DLC1: variants seen among roughly 807,000 people sequenced by gnomAD.
The protein encoded by DLC1 is rho GTPase-activating protein 7.
In DLC1, 54 loss-of-function variants were observed where a neutral mutation model predicts 140.3. That is an observed-to-expected ratio of 0.38 (90% CI 0.31 to 0.48). DLC1 has a LOEUF of 0.48. Ranked by LOEUF, DLC1 falls within the 20% of genes least tolerant of loss-of-function variation. DLC1 has a pLI of 0.96. For synonymous variants in DLC1, 986 were observed against 728.1 expected (o/e 1.35, Z -5.70); for missense variants, 2,536 against 1,907.0 (o/e 1.33, Z -6.14).
intron 4 of DLC1, among the ~76,000 whole-genome samples, chr8:13,378,251 A>T (rs1045509292): frequency 6.6e-6 from 1 of 150,562 alleles, no homozygotes; most frequent in Non-Finnish European, 1.5e-5. Flanking sequence ...CCAGAAAAAA[A>T]TCTTAGTAAT....
chr8:13,212,241 G>C (rs931813155), intron 5 of DLC1, among the ~76,000 whole-genome samples: 3 of 152,056 alleles, frequency 2.0e-5, no homozygotes, highest in African/African-American at 7.2e-5. Context: ...AGCCACGATG[G>C]CCTTCTCAGC....
chr8:13,438,739 C>T (rs1414391431), intron 2 of DLC1, among the ~76,000 whole-genome samples: 1 of 152,132 alleles, frequency 6.6e-6, no homozygotes, highest in East Asian at 1.9e-4. Context: ...TCTCTCTTTG[C>T]TCAAATGTCA....
intron 4 of DLC1, among the ~76,000 whole-genome samples, chr8:13,391,279 A>G (rs891434628): frequency 6.6e-6 from 1 of 152,184 alleles, no homozygotes; most frequent in African/African-American, 2.4e-5. Flanking sequence ...CTGCATGACA[A>G]TTCTCATGGC....
At chr8:13,188,572 T>C (rs968196157) in intron 5 of DLC1, among the ~76,000 whole-genome samples, 3 of 148,356 alleles carry the variant, frequency 2.0e-5, no homozygotes, top group South Asian at 4.2e-4. Context: ...TTATTTTTCA[T>C]ATATTCTATA....
chr8:13,107,670 G>C (rs999955123), intron 7 of DLC1, among the ~76,000 whole-genome samples: 2 of 152,206 alleles, frequency 1.3e-5, no homozygotes, highest in Non-Finnish European at 1.5e-5. Flanking sequence ...GGCAGGTCTA[G>C]CAAATGAAGT....
intron 1 of DLC1, among the ~76,000 whole-genome samples, chr8:13,553,923 A>C (rs1803953699): frequency 6.6e-6 from 1 of 151,606 alleles, no homozygotes; most frequent in Non-Finnish European, 1.5e-5. Flanking sequence ...CTCCCTTGCT[A>C]CTCTTTGTCT....
In DLC1 at chr8:13,100,210, C is replaced by G; in HGVS notation, c.2127G>C (p.Lys709Asn). Residue 709 changes from lysine to asparagine, a missense_variant, in exon 9 of 18, where the codon AAG (lysine) becomes AAC (asparagine). Physicochemically the swap from Lys to Asn is moderately conservative, Grantham distance 94 (BLOSUM62 0). Coordinates refer to ENST00000276297, the MANE Select transcript of DLC1 (RefSeq NM_182643.3). ...CGGAGATCTCCACGCAGTTGAGCTG[C>G]TTCAGCTTCTCCTCATCCATCCCCT... ...LQEGMDEEKL[K>N]QLNCVEISAL... The G allele has an allele frequency of 6.2e-7, 1 of 1,614,188 alleles. No individual in the cohort carries two copies. The highest frequency in any genetic ancestry group is 8.5e-7 in the Non-Finnish European group (1 of 1,180,038).
intron 1 of DLC1, among the ~76,000 whole-genome samples, chr8:13,556,245 C>T (rs1804041326): frequency 6.6e-6 from 1 of 152,066 alleles, no homozygotes; most frequent in African/African-American, 2.4e-5. Flanking sequence ...TATGATTTTG[C>T]CCTCCTAAAA....
intron 5 of DLC1, among the ~76,000 whole-genome samples, chr8:13,264,828 C>T (rs956184548): frequency 6.6e-6 from 1 of 151,976 alleles, no homozygotes; most frequent in Non-Finnish European, 1.5e-5. Context: ...GATATTGAAA[C>T]AAAAAACAAT....
chr8:13,109,582 A>C (rs934708739), intron 7 of DLC1, among the ~76,000 whole-genome samples: 7 of 130,120 alleles, frequency 5.4e-5, no homozygotes, highest in Non-Finnish European at 5.5e-5. Context: ...ATAAAATAAA[A>C]AACAGAACAA....
At chr8:13,482,564 A>C (rs1368454967) in intron 2 of DLC1, among the ~76,000 whole-genome samples, 1 of 152,214 alleles carries the variant, frequency 6.6e-6, no homozygotes, top group Non-Finnish European at 1.5e-5. Flanking sequence ...TCTATCAAGC[A>C]AAATAAGGTA....
intron 2 of DLC1, among the ~76,000 whole-genome samples, chr8:13,459,796 A>T (rs2117017567): frequency 6.6e-6 from 1 of 152,362 alleles, no homozygotes; most frequent in South Asian, 2.1e-4. Flanking sequence ...TCCTGTGAAT[A>T]AGCATAATAA....
intron 1 of DLC1, among the ~76,000 whole-genome samples, chr8:13,507,394 A>G (rs1167286976): frequency 6.6e-6 from 1 of 152,256 alleles, no homozygotes; most frequent in Non-Finnish European, 1.5e-5. Flanking sequence ...CTATGAGTCT[A>G]GTCCAGACAG....
At chr8:13,256,071 T>G (rs1468870612) in intron 5 of DLC1, among the ~76,000 whole-genome samples, 2 of 152,234 alleles carry the variant, frequency 1.3e-5, no homozygotes, top group Non-Finnish European at 1.5e-5. Context: ...AGATTATTAC[T>G]GAATTTCCCA....
intron 5 of DLC1, among the ~76,000 whole-genome samples, chr8:13,176,289 T>G (rs1351135660): frequency 6.6e-6 from 1 of 151,486 alleles, no homozygotes; most frequent in Non-Finnish European, 1.5e-5. Flanking sequence ...TAATAAAAAC[T>G]CTCTTTTGTC....
chr8:13,354,300 T>C (rs772258386), intron 4 of DLC1, among the ~76,000 whole-genome samples: 1 of 152,172 alleles, frequency 6.6e-6, no homozygotes, highest in Non-Finnish European at 1.5e-5. Context: ...GCCTGTAATA[T>C]ACTTTATTGT....
intron 5 of DLC1, among the ~76,000 whole-genome samples, chr8:13,121,772 C>G (rs1821096327): frequency 1.3e-5 from 2 of 152,054 alleles, no homozygotes; most frequent in Non-Finnish European, 2.9e-5. Context: ...AGGCTGATCT[C>G]AAACTCCTGG....
rs1287823803 is a variant in DLC1 at position 13,084,535 on chromosome 8, T to C, written c.*1276A>G. ...AAAAACTTCACTGGTTTGGGTTGGT[T>C]TTCTTCTTGTTGCGTTTTACTATGA... On this transcript the variant is annotated 3_prime_UTR_variant, in exon 18 of 18. Coordinates refer to ENST00000276297, the MANE Select transcript of DLC1 (RefSeq NM_182643.3). 6.6e-6 allele frequency: 1 copy of C among 152,264 alleles called. No homozygotes were observed. Among genetic ancestry groups the C allele is most frequent in the Non-Finnish European group, 1.5e-5 (1 of 67,978 alleles). The allele number at this position is 152,264 out of a possible 1,614,324, so 9.4% of individuals were successfully genotyped here.
chr8:13,224,410 T>A (rs1033929781), intron 5 of DLC1, among the ~76,000 whole-genome samples: 3 of 152,154 alleles, frequency 2.0e-5, no homozygotes, highest in African/African-American at 7.2e-5. Flanking sequence ...CAACTGTTTA[T>A]TAAGGGCTTG....
Sources: gnomAD v4.1 joint callset for allele counts (sites outside exome capture counted in the v4.1 genomes callset) on GRCh38, gnomAD v4.1.1 for gene constraint, MANE v1.5 for transcripts, NCBI Gene and HGNC (gene_info 2026-07-23, HGNC 2026-07-21) for gene names.